Variants in TRHDE observed in about 807,000 individuals in gnomAD.
TRHDE encodes thyrotropin releasing hormone degrading enzyme, also known as thyrotropin-releasing hormone-degrading ectoenzyme.
In TRHDE, 72 loss-of-function variants were observed where a neutral mutation model predicts 125.7. The ratio of observed to expected loss-of-function variants is 0.57; its 90% CI spans 0.47 to 0.70. The LOEUF is 0.70. Ranked by LOEUF, TRHDE falls within the 30% of genes least tolerant of loss-of-function variation. The probability of loss-of-function intolerance (pLI) is 0.00; values close to 1 mark genes in which losing one functional copy is unlikely to be tolerated. For synonymous variants in TRHDE, 509 were observed against 509.1 expected, an observed-to-expected ratio of 1.00 and a Z score of 0.00; for missense variants, 1,110 against 1,327.1, an observed-to-expected ratio of 0.84 and a Z score of 2.54.
At chr12:72,227,757 G>A (rs1197558214) in intron 2 of TRHDE, among the ~76,000 whole-genome samples, 1 of 152,180 alleles carries the variant, frequency 6.6e-6, no homozygotes, top group Non-Finnish European at 1.5e-5. Flanking sequence ...ATACAATGGG[G>A]GTACAGGCTT....
chr12:72,125,651 A>G (rs1434441582), intron 2 of TRHDE, among the ~76,000 whole-genome samples: 3 of 152,156 alleles, frequency 2.0e-5, no homozygotes, highest in African/African-American at 7.2e-5. Context: ...GCATTTTTTA[A>G]TGCTTTTAAA....
chr12:72,203,131 GAGAA>G (rs920036593), intron 2 of TRHDE, among the ~76,000 whole-genome samples: 1 of 152,088 alleles, frequency 6.6e-6, no homozygotes, highest in African/African-American at 2.4e-5. Context: ...GAGAGAGAAA[GAGAA>G]AGAGAGATAG....
chr12:72,446,415 TA>T (rs1875288106), intron 3 of TRHDE, among the ~76,000 whole-genome samples: 1 of 151,992 alleles, frequency 6.6e-6, no homozygotes, highest in Non-Finnish European at 1.5e-5. Context: ...TGCCAAATTC[TA>T]AAGACCATTG....
Position 72,589,845 on chromosome 12 carries a change from G to A in TRHDE, c.2321+14303G>A, listed in dbSNP as rs916193533. Among the ~76,000 whole-genome samples, 8 of 151,794 alleles carry A rather than the reference G, an allele frequency of 5.3e-5. No homozygotes were observed. In the East Asian group the frequency reaches 9.7e-4, roughly 18 times the overall value. ...ATTTGTTGATATTCTCAAAGAATCG[G>A]TTTCTGGTCTTGTTAATTTTTAAAT... On this transcript the variant is annotated intron_variant, in intron 12 of 18. Coordinates refer to ENST00000261180, the MANE Select transcript of TRHDE (RefSeq NM_013381.3).
chr12:72,209,367 C>A (rs1282060713), intron 2 of TRHDE, among the ~76,000 whole-genome samples: 2 of 152,120 alleles, frequency 1.3e-5, no homozygotes, highest in Non-Finnish European at 2.9e-5. Context: ...AGATGGCAGG[C>A]CTATGCTGAT....
chr12:72,338,325 C>G (rs1012873032), intron 2 of TRHDE, among the ~76,000 whole-genome samples: 2 of 152,052 alleles, frequency 1.3e-5, no homozygotes, highest in Non-Finnish European at 2.9e-5. Context: ...TAGGGTTGAT[C>G]GTGTAAACAG....
intron 12 of TRHDE, among the ~76,000 whole-genome samples, chr12:72,596,244 G>A (rs1871933989): frequency 6.6e-6 from 1 of 152,082 alleles, no homozygotes; most frequent in African/African-American, 2.4e-5. Context: ...AATGGATAGA[G>A]GAGTTGCAAA....
At chr12:72,321,159 C>A (rs2135710443) in intron 2 of TRHDE, among the ~76,000 whole-genome samples, 1 of 152,192 alleles carries the variant, frequency 6.6e-6, no homozygotes, top group Non-Finnish European at 1.5e-5. Context: ...AATAGAAATG[C>A]TTATCTTTTA....
At chr12:72,229,315 T>C (rs1166579671) in intron 2 of TRHDE, among the ~76,000 whole-genome samples, 1 of 152,138 alleles carries the variant, frequency 6.6e-6, no homozygotes, top group Non-Finnish European at 1.5e-5. Flanking sequence ...AAGAGTGAGC[T>C]TGTGCAGGGG....
chr12:72,206,293 A>G (rs759588877), intron 2 of TRHDE, among the ~76,000 whole-genome samples: 1 of 152,066 alleles, frequency 6.6e-6, no homozygotes, highest in Non-Finnish European at 1.5e-5. Flanking sequence ...GGATTTCACC[A>G]TGTTGGCCAG....
At chr12:72,372,998 G>GGCC (rs1465113589) in intron 2 of TRHDE, among the ~76,000 whole-genome samples, 1 of 152,160 alleles carries the variant, frequency 6.6e-6, no homozygotes, top group Non-Finnish European at 1.5e-5. Context: ...CCATTTTCAC[G>GGCC]ATAGTGATTC....
At chr12:72,327,485 C>G (rs895464979) in intron 2 of TRHDE, among the ~76,000 whole-genome samples, 1 of 152,078 alleles carries the variant, frequency 6.6e-6, no homozygotes, top group African/African-American at 2.4e-5. Context: ...GGAATCATTA[C>G]AATTAAATGG....
chr12:72,482,798 T>G (rs1307916763), intron 5 of TRHDE, among the ~76,000 whole-genome samples: 1 of 151,958 alleles, frequency 6.6e-6, no homozygotes, highest in African/African-American at 2.4e-5. Context: ...ACTATTTGCA[T>G]GACTGGTCCA....
intron 2 of TRHDE, among the ~76,000 whole-genome samples, chr12:72,341,813 C>T (rs979667806): frequency 7.9e-5 from 12 of 152,080 alleles, no homozygotes; most frequent in African/African-American, 2.4e-4. Context: ...ATGTATTTGT[C>T]GAAGATGAAT....
intron 2 of TRHDE, among the ~76,000 whole-genome samples, chr12:72,144,131 T>G (rs1245385640): frequency 6.6e-6 from 1 of 152,196 alleles, no homozygotes; most frequent in Non-Finnish European, 1.5e-5. Context: ...TCTGGAATGA[T>G]AGCTCAATCA....
rs570533051 is a variant in TRHDE, at chr12:72,518,403, C to T, written c.1722+18768C>T. Among the ~76,000 whole-genome samples, 358 of 151,156 alleles carry T rather than the reference C, an allele frequency of 2.4e-3. 3 individuals are homozygous for T. Among genetic ancestry groups the T allele is most frequent in the African/African-American group, 8.2e-3 (333 of 40,760 alleles). ...TGATTCCTTTACCATTATGTAATGG[C>T]GTTCTTTGTCTCTTTTGATCTTTGT... On this transcript the variant is annotated intron_variant, in intron 6 of 18. Coordinates refer to ENST00000261180, the MANE Select transcript of TRHDE (RefSeq NM_013381.3).
At chr12:72,215,289 G>GCAAGGACCGGCCATTTACACTTCTT (rs1877864132) in intron 2 of TRHDE, among the ~76,000 whole-genome samples, 1 of 152,068 alleles carries the variant, frequency 6.6e-6, no homozygotes, top group Non-Finnish European at 1.5e-5. Context: ...ATCAGTTAAG[G>GCAAGGACCGGCCATTTACACTTCTT]CAAGGACCGG....
At chr12:72,404,617 G>A (rs1443094043) in intron 3 of TRHDE, among the ~76,000 whole-genome samples, 1 of 152,136 alleles carries the variant, frequency 6.6e-6, no homozygotes, top group Admixed American at 6.5e-5. Flanking sequence ...AAGAGTTTAT[G>A]CAGGGAAACT....
chr12:72,315,589 C>T (rs889843716), intron 2 of TRHDE, among the ~76,000 whole-genome samples: 1 of 152,154 alleles, frequency 6.6e-6, no homozygotes, highest in South Asian at 2.1e-4. Context: ...CTCTCTGTAC[C>T]TGAGCAGATG....
Sources: allele counts gnomAD v4.1 joint callset (sites outside exome capture counted in the v4.1 genomes callset), GRCh38; gene constraint gnomAD v4.1.1; transcripts MANE v1.5; gene names NCBI Gene and HGNC (gene_info 2026-07-23, HGNC 2026-07-21).